The following PTPDC1 variants were observed in gnomAD, a reference collection of about 807,000 sequenced individuals.
The protein encoded by PTPDC1 is protein tyrosine phosphatase domain-containing protein 1.
PTPDC1 carries 53 observed loss-of-function variants against 75.3 expected under a neutral mutation model. The observed-to-expected ratio is 0.70, with a 90% CI of 0.56 to 0.88. The LOEUF (loss-of-function observed/expected upper bound fraction) is 0.88, where lower values mean the gene tolerates loss of function less well. PTPDC1 is among the 40% of genes least tolerant of loss of function. The probability of loss-of-function intolerance (pLI) is 0.00; values close to 1 mark genes in which losing one functional copy is unlikely to be tolerated. For synonymous variants in PTPDC1, 349 were observed against 366.2 expected (o/e 0.95, Z 0.54); for missense variants, 925 against 998.6 (o/e 0.93, Z 0.99).
At chr9:94,072,519 GTTA>G (rs887410400) in intron 2 of PTPDC1, among the ~76,000 whole-genome samples, 1 of 146,372 alleles carries the variant, frequency 6.8e-6, no homozygotes, top group African/African-American at 2.8e-5. Context: ...TTCATATGCT[GTTA>G]TTTTTTTTTT....
chr9:94,068,850 A>ATTAT (rs1320905775), intron 2 of PTPDC1, among the ~76,000 whole-genome samples: 1 of 152,068 alleles, frequency 6.6e-6, no homozygotes, highest in Non-Finnish European at 1.5e-5. Flanking sequence ...TATTTGTTCG[A>ATTAT]TTATTTATTT....
chr9:94,072,393 T>G lies in PTPDC1; in HGVS notation c.82+7572T>G, dbSNP rs569702274. 3.9e-5 allele frequency among the ~76,000 whole-genome samples: 6 copies of G among 152,322 alleles called. No individual in the cohort carries two copies. In the South Asian group the frequency reaches 1.0e-3, roughly 26 times the overall value. On this transcript the variant is annotated intron_variant, in intron 2 of 9. Transcript: ENST00000375360. Reference sequence around the variant, plus strand: ...GATTTTTGTATGTTGATTTTATGCCTTACTACTTTGCTGAACTCACTTTCC... The same window carrying G: ...GATTTTTGTATGTTGATTTTATGCCGTACTACTTTGCTGAACTCACTTTCC...
At chr9:94,045,964 T>G (rs1825586733) in intron 1 of PTPDC1, among the ~76,000 whole-genome samples, 1 of 152,226 alleles carries the variant, frequency 6.6e-6, no homozygotes, top group African/African-American at 2.4e-5. Context: ...CTTCTAGAGT[T>G]TTTATGGTTT....
At chr9:94,039,640 G>A (rs1825373413) in intron 1 of PTPDC1, among the ~76,000 whole-genome samples, 1 of 152,084 alleles carries the variant, frequency 6.6e-6, no homozygotes, top group Non-Finnish European at 1.5e-5. Context: ...TTTAAATGAG[G>A]CAGGAGGATT....
chr9:94,091,059 T>G (rs1168213995), intron 4 of PTPDC1, among the ~76,000 whole-genome samples: 1 of 151,870 alleles, frequency 6.6e-6, no homozygotes. Context: ...TTTTCCCAAT[T>G]GAATACCCTT....
At chr9:94,060,732 C>G (rs1170190849) in intron 1 of PTPDC1, among the ~76,000 whole-genome samples, 3 of 152,076 alleles carry the variant, frequency 2.0e-5, no homozygotes, top group Admixed American at 2.0e-4. Flanking sequence ...AGCTGAATCC[C>G]ATGAGAACTC....
chr9:94,062,833 C>T (rs560858579), intron 1 of PTPDC1, among the ~76,000 whole-genome samples: 27 of 152,090 alleles, frequency 1.8e-4, no homozygotes, highest in Non-Finnish European at 3.1e-4. Context: ...GACATGTTTT[C>T]GGTAGGCTTT....
At chr9:94,064,907 G>C (rs1826254613) in intron 2 of PTPDC1, 1 of 955,946 alleles carries the variant, frequency 1.0e-6, no homozygotes. Context: ...CAAAAGAAAA[G>C]GCTCTCTTCT....
In PTPDC1 at chr9:94,104,364, T is replaced by G. The variant is rs757116326; in HGVS notation, c.2289T>G (p.His763Gln). The change falls in exon 8 of 9, where the codon CAT becomes CAG. Residue 763 changes from histidine (H) to glutamine (Q), a missense_variant. By Grantham distance (24) the His-to-Gln change is conservative. Transcript: ENST00000620992. The stretch of plus-strand genomic sequence containing the variant: ...ATGTGGAGGAAGCTTTCCTTGCCCA[T>G]GCCATTAAGGCATTCACTAAGGTGG... ...PVDVEEAFLAHAIKAFTKVNF... is the reference protein window; with the variant it reads ...PVDVEEAFLAQAIKAFTKVNF... 1.5e-5 allele frequency: 25 copies of G among 1,613,340 alleles called. No homozygotes were observed. Among genetic ancestry groups the G allele is most frequent in the Non-Finnish European group, 2.1e-5 (25 of 1,179,448 alleles).
chr9:94,032,027 A>C (rs1829738319), intron 1 of PTPDC1, among the ~76,000 whole-genome samples: 1 of 152,232 alleles, frequency 6.6e-6, no homozygotes, highest in Non-Finnish European at 1.5e-5. Context: ...TTTGATCTCC[A>C]CAACAAAGTG....
At chr9:94,101,500 G>A in intron 6 of PTPDC1, 66 bp from the exon 7 acceptor site, 2 of 1,251,486 alleles carry the variant, frequency 1.6e-6, no homozygotes, top group Non-Finnish European at 2.3e-6. Context: ...AGTGTCAAAT[G>A]GTGCACCTCC....
rs953285674 is a variant in PTPDC1, at chr9:94,108,504, A to G, written c.*560A>G. The G allele has an allele frequency of 9.8e-5, 15 of 152,640 alleles. No individual in the cohort carries two copies. Among genetic ancestry groups the G allele is most frequent in the African/African-American group, 3.6e-4 (15 of 41,458 alleles). The allele number at this position is 152,640 out of a possible 1,614,324, so 9.5% of individuals were successfully genotyped here. ...TTTGTTTTTCCTTTTCTTTTTATAA[A>G]TGTAACAGAGGGTTTCAAAGCATAT... On this transcript the variant is annotated 3_prime_UTR_variant, in exon 9 of 9. Transcript: ENST00000620992.
chr9:94,098,007 C>A lies in PTPDC1; in HGVS notation c.1441C>A (p.Gln481Lys). Residue 481 changes from glutamine (Q) to lysine (K), a missense_variant, in exon 6 of 9, where the codon CAG becomes AAG. Coordinates refer to ENST00000620992, the MANE Select transcript of PTPDC1 (RefSeq NM_001253829.2). ...CTTGGTTGGCCACAAGCCCAGGCAG[C>A]AGAAGCTCATAAGCCATTGTTACAT... is the stretch of plus-strand genomic sequence containing the variant. ...QILVGHKPRQ[Q>K]KLISHCYIPQ... The A allele has an allele frequency of 6.2e-7, 1 of 1,614,184 alleles. No homozygotes were observed.
chr9:94,088,896 G>C (rs1470377914), intron 4 of PTPDC1, among the ~76,000 whole-genome samples: 1 of 152,040 alleles, frequency 6.6e-6, no homozygotes, highest in Non-Finnish European at 1.5e-5. Context: ...CTATTTATCA[G>C]TCATTTAGAC....
intron 4 of PTPDC1, among the ~76,000 whole-genome samples, chr9:94,093,254 T>G (rs1231016655): frequency 6.6e-6 from 1 of 150,716 alleles, no homozygotes; most frequent in East Asian, 2.0e-4. Context: ...AGTGCTTCCT[T>G]CAGGAGCTCT....
At chr9:94,069,677 C>T (rs551923455) in intron 2 of PTPDC1, among the ~76,000 whole-genome samples, 3 of 151,780 alleles carry the variant, frequency 2.0e-5, no homozygotes, top group Non-Finnish European at 2.9e-5. Flanking sequence ...CCCGCCACTG[C>T]GCCCAGCTAA....
chr9:94,061,353 C>T (rs1364468176), intron 1 of PTPDC1, among the ~76,000 whole-genome samples: 2 of 152,206 alleles, frequency 1.3e-5, no homozygotes, highest in African/African-American at 2.4e-5. Flanking sequence ...ATGGCTTTTC[C>T]AGACACAGGG....
chr9:94,064,707 T>C (rs1028803404), intron 1 of PTPDC1: 8 of 1,574,614 alleles, frequency 5.1e-6, no homozygotes, highest in Non-Finnish European at 7.0e-6. Flanking sequence ...AAGGCAAACT[T>C]TCAAAAAATA....
intron 8 of PTPDC1, among the ~76,000 whole-genome samples, chr9:94,106,678 G>C (rs1054497624): frequency 6.6e-6 from 1 of 152,160 alleles, no homozygotes; most frequent in South Asian, 2.1e-4. Flanking sequence ...TTGACAGAGG[G>C]AACAACCTTT....
Sources: allele counts gnomAD v4.1 joint callset (sites outside exome capture counted in the v4.1 genomes callset), GRCh38; gene constraint gnomAD v4.1.1; transcripts MANE v1.5; gene names NCBI Gene and HGNC (gene_info 2026-07-23, HGNC 2026-07-21).